Variants in IKBKB-DT observed in about 807,000 individuals in gnomAD.
The protein encoded by IKBKB-DT is IKBKB divergent transcript.
At chr8:42,238,050 A>T (rs1208620220) in intron 3 of IKBKB-DT, among the ~76,000 whole-genome samples, 2 of 146,000 alleles carry the variant, frequency 1.4e-5, no homozygotes, top group African/African-American at 5.3e-5. Flanking sequence ...AAAAAAAAAA[A>T]AAAAGGACTT....
intron 3 of IKBKB-DT, among the ~76,000 whole-genome samples, chr8:42,244,548 G>T (rs1807040090): frequency 6.6e-6 from 1 of 152,090 alleles, no homozygotes; most frequent in Non-Finnish European, 1.5e-5. Context: ...AAAAGCAATT[G>T]AATTTTTTTT....
chr8:42,258,347 G>T (rs1585466934), intron 3 of IKBKB-DT, among the ~76,000 whole-genome samples: 1 of 152,044 alleles, frequency 6.6e-6, no homozygotes, highest in Admixed American at 6.5e-5. Flanking sequence ...GTCTTGCTAT[G>T]TTGCCCCAGC....
At chr8:42,269,730 C>A (rs930387559) in intron 1 of IKBKB-DT, among the ~76,000 whole-genome samples, 1 of 152,016 alleles carries the variant, frequency 6.6e-6, no homozygotes, top group Non-Finnish European at 1.5e-5. Context: ...ACACCATTGA[C>A]CCCTATGTTT....
At chr8:42,246,823 T>G (rs2129912123) in intron 3 of IKBKB-DT, among the ~76,000 whole-genome samples, 1 of 152,226 alleles carries the variant, frequency 6.6e-6, no homozygotes, top group South Asian at 2.1e-4. Context: ...TGGGAGACAA[T>G]TTTTCCACGG....
intron 3 of IKBKB-DT, among the ~76,000 whole-genome samples, chr8:42,259,139 C>T (rs1160141821): frequency 2.0e-5 from 3 of 152,126 alleles, no homozygotes; most frequent in Non-Finnish European, 4.4e-5. Flanking sequence ...GATTCTCCTG[C>T]CTCAGCCTCC....
In IKBKB-DT at chr8:42,264,493, C is replaced by T. The variant is rs558427104; in HGVS notation, n.1386-1021G>A. Among the ~76,000 whole-genome samples, 8 of 152,340 alleles carry T rather than the reference C, an allele frequency of 5.3e-5. No homozygotes were observed. In the South Asian group the frequency reaches 1.2e-3, roughly 24 times the overall value. On this transcript the variant is annotated intron_variant and non_coding_transcript_variant, in intron 2 of 3. Coordinates refer to ENST00000518213, the Ensembl canonical transcript of IKBKB-DT. ...TGTTGTTGCTGAGGCTAACAGAAAA[C>T]AGCAGAGAGATGGTTTTTATAGATG...
At chr8:42,237,017 G>C (rs765428813) in intron 3 of IKBKB-DT, among the ~76,000 whole-genome samples, 1 of 151,490 alleles carries the variant, frequency 6.6e-6, no homozygotes, top group Non-Finnish European at 1.5e-5. Context: ...ACCACACCCG[G>C]CCAATGTAGT....
At position 42,269,560 on chromosome 8, in the gene IKBKB-DT, C is replaced by A. The variant is rs568069207; in HGVS notation, n.603+1091G>T. On this transcript the variant is annotated intron_variant and non_coding_transcript_variant, in intron 1 of 3. Coordinates refer to ENST00000518213, the Ensembl canonical transcript of IKBKB-DT. ...AAGGAAAAGAAAGAAACCAAGTAGC[C>A]GGGAAGGGAAGGGAAGGGGAGGGGA... Among the ~76,000 whole-genome samples, 86 of 92,636 alleles carry A rather than the reference C, an allele frequency of 9.3e-4. No individual in the cohort carries two copies. In the Middle Eastern group the frequency reaches 0.031, roughly 34 times the overall value. 60.8% of individuals were successfully genotyped at this position (92,636 alleles called of 152,430 possible).
At chr8:42,252,457 C>G (rs1319695914) in intron 3 of IKBKB-DT, among the ~76,000 whole-genome samples, 5 of 152,222 alleles carry the variant, frequency 3.3e-5, no homozygotes, top group Admixed American at 3.3e-4. Context: ...CAATGAACCT[C>G]AGGTATTACC....
chr8:42,250,753 T>C (rs1296925430), intron 3 of IKBKB-DT, among the ~76,000 whole-genome samples: 1 of 152,110 alleles, frequency 6.6e-6, no homozygotes, highest in East Asian at 1.9e-4. Flanking sequence ...TTCAGTGGTG[T>C]GTGTCTGTAA....
intron 1 of IKBKB-DT, among the ~76,000 whole-genome samples, chr8:42,267,482 T>C (rs575316532): frequency 2.0e-5 from 3 of 152,150 alleles, no homozygotes; most frequent in Non-Finnish European, 4.4e-5. Context: ...CCTTTGTCTG[T>C]CCTTACTTCA....
intron 3 of IKBKB-DT, among the ~76,000 whole-genome samples, chr8:42,239,628 ATATATATT>A (rs1475282091): frequency 6.3e-5 from 6 of 95,030 alleles, no homozygotes; most frequent in South Asian, 3.6e-4. Flanking sequence ...ATATATATAT[ATATATATT>A]TATTTATTTA....
intron 3 of IKBKB-DT, among the ~76,000 whole-genome samples, chr8:42,243,282 C>T (rs1222540379): frequency 6.6e-6 from 1 of 152,176 alleles, no homozygotes; most frequent in Non-Finnish European, 1.5e-5. Flanking sequence ...GAGCGTTCTG[C>T]TCTGGAGCAT....
At chr8:42,253,327 G>GT (rs1418226076) in intron 3 of IKBKB-DT, among the ~76,000 whole-genome samples, 2 of 152,164 alleles carry the variant, frequency 1.3e-5, no homozygotes, top group African/African-American at 2.4e-5. Flanking sequence ...TTTCTCAAAT[G>GT]TATTTGATTG....
intron 3 of IKBKB-DT, among the ~76,000 whole-genome samples, chr8:42,236,985 G>C (rs937363183): frequency 7.2e-5 from 11 of 151,934 alleles, no homozygotes; most frequent in Non-Finnish European, 1.5e-4. Flanking sequence ...CTCCTAAAGT[G>C]CTGAGATTAT....
intron 3 of IKBKB-DT, among the ~76,000 whole-genome samples, chr8:42,236,806 T>C (rs770169826): frequency 2.0e-5 from 3 of 152,154 alleles, no homozygotes; most frequent in African/African-American, 7.2e-5. Flanking sequence ...TAGTTATCCA[T>C]ATAACCAAAG....
intron 3 of IKBKB-DT, among the ~76,000 whole-genome samples, chr8:42,237,192 T>C (rs1260199176): frequency 1.3e-5 from 2 of 152,098 alleles, no homozygotes; most frequent in African/African-American, 4.8e-5. Context: ...GTTCAAGCGA[T>C]CCTCCTGCCT....
chr8:42,234,352 A>G (rs1213456838), intron 3 of IKBKB-DT, among the ~76,000 whole-genome samples: 1 of 152,242 alleles, frequency 6.6e-6, no homozygotes, highest in Non-Finnish European at 1.5e-5. Flanking sequence ...TAACAAAAAT[A>G]AAACAATTAA....
chr8:42,269,603 A>C (rs1419763722), intron 1 of IKBKB-DT, among the ~76,000 whole-genome samples: 1 of 99,698 alleles, frequency 1.0e-5, no homozygotes, highest in African/African-American at 3.9e-5. Context: ...GGAGGGGAGG[A>C]GAGGGGAGGG....
Sources: gnomAD v4.1 joint callset for allele counts (sites outside exome capture counted in the v4.1 genomes callset) on GRCh38, gnomAD v4.1.1 for gene constraint, MANE v1.5 for transcripts, NCBI Gene and HGNC (gene_info 2026-07-23, HGNC 2026-07-21) for gene names.